Variants in LRRC4C observed in about 807,000 individuals in gnomAD.
The protein encoded by LRRC4C is leucine-rich repeat-containing protein 4C.
Under a neutral mutation model 33.6 loss-of-function variants are expected in LRRC4C, and 5 were observed. The observed-to-expected ratio is 0.15, with a 90% CI of 0.08 to 0.31. The LOEUF (loss-of-function observed/expected upper bound fraction) is 0.31. LRRC4C is among the 10% of genes least tolerant of loss of function. The pLI, the probability that LRRC4C is intolerant of heterozygous loss-of-function variation, is 1.00. For synonymous variants in LRRC4C, 329 were observed against 302.0 expected (o/e 1.09, Z -0.93); for missense variants, 560 against 796.7 (o/e 0.70, Z 3.58).
intron 1 of LRRC4C, among the ~76,000 whole-genome samples, chr11:41,351,733 T>TA: frequency 6.6e-6 from 1 of 152,308 alleles, no homozygotes; most frequent in South Asian, 2.1e-4. Flanking sequence ...TAAAATGCAT[T>TA]AAAAATAAAT....
chr11:41,408,949 C>T (rs911079203), intron 1 of LRRC4C, among the ~76,000 whole-genome samples: 7 of 152,232 alleles, frequency 4.6e-5, no homozygotes, highest in East Asian at 1.9e-4. Context: ...CTAAAGGCAA[C>T]GCAGCTTTCT....
intron 1 of LRRC4C, among the ~76,000 whole-genome samples, chr11:40,990,089 T>C (rs1853402534): frequency 6.6e-6 from 1 of 151,016 alleles, no homozygotes. Flanking sequence ...GGTCTGGAAC[T>C]AATCCCCCAA....
chr11:40,975,718 A>T (rs148756978), intron 1 of LRRC4C, among the ~76,000 whole-genome samples: 1 of 152,146 alleles, frequency 6.6e-6, no homozygotes, highest in Admixed American at 6.5e-5. Flanking sequence ...TATTATCATC[A>T]TCTCCATTTT....
chr11:40,507,774 C>G (rs1440713994), intron 3 of LRRC4C, among the ~76,000 whole-genome samples: 2 of 144,714 alleles, frequency 1.4e-5, no homozygotes, highest in Admixed American at 7.2e-5. Flanking sequence ...AAGTCTCACT[C>G]TGTTGTGCAG....
rs557094088 is a variant in LRRC4C, at chr11:40,388,279, T to A, written c.-269-68558A>T. 3.3e-5 allele frequency among the ~76,000 whole-genome samples: 5 copies of A among 152,264 alleles called. No individual in the cohort carries two copies. The East Asian group carries it at 9.7e-4, about 29-fold the overall frequency. ...GGTAATTCCTTGAGACCTGTCAAAA[T>A]GTGACACCTCTTTCAAAGAAGAGAT... is the stretch of plus-strand genomic sequence containing the variant. On this transcript the variant is annotated intron_variant, in intron 3 of 6. Coordinates refer to ENST00000528697, the MANE Select transcript of LRRC4C (RefSeq NM_001258419.2).
chr11:40,886,658 G>A (rs1214849844), intron 2 of LRRC4C, among the ~76,000 whole-genome samples: 2 of 151,118 alleles, frequency 1.3e-5, no homozygotes, highest in African/African-American at 2.4e-5. Context: ...TCAATTTTCT[G>A]TCAGTAGAAA....
At chr11:40,346,664 T>C (rs568058216) in intron 3 of LRRC4C, among the ~76,000 whole-genome samples, 2 of 152,334 alleles carry the variant, frequency 1.3e-5, no homozygotes, top group Non-Finnish European at 2.9e-5. Flanking sequence ...CAAGTTTACC[T>C]ATGTAACAAA....
intron 3 of LRRC4C, among the ~76,000 whole-genome samples, chr11:40,560,989 T>C (rs1957524927): frequency 6.6e-6 from 1 of 152,238 alleles, no homozygotes; most frequent in Non-Finnish European, 1.5e-5. Flanking sequence ...GATCAATAAA[T>C]ATCCTTTGTT....
intron 1 of LRRC4C, among the ~76,000 whole-genome samples, chr11:41,094,844 A>G (rs1364418975): frequency 1.3e-5 from 2 of 152,060 alleles, no homozygotes; most frequent in African/African-American, 2.4e-5. Context: ...AAACTAGGTG[A>G]AAAAAATCAC....
intron 2 of LRRC4C, among the ~76,000 whole-genome samples, chr11:40,766,377 A>AG (rs1949461773): frequency 6.7e-6 from 1 of 149,264 alleles, no homozygotes. Flanking sequence ...AAAAAAAAAA[A>AG]AAGAAGATAA....
At chr11:41,392,573 AC>A (rs1455374424) in intron 1 of LRRC4C, among the ~76,000 whole-genome samples, 3 of 151,420 alleles carry the variant, frequency 2.0e-5, no homozygotes, top group Non-Finnish European at 4.4e-5. Flanking sequence ...AAAAAAAAAA[AC>A]ATCGTTACCT....
At chr11:40,768,348 G>T (rs1256791038) in intron 2 of LRRC4C, among the ~76,000 whole-genome samples, 1 of 151,972 alleles carries the variant, frequency 6.6e-6, no homozygotes, top group Non-Finnish European at 1.5e-5. Flanking sequence ...AGAAAAACTT[G>T]GGACCTGGTG....
rs574427297 is a variant in LRRC4C, at chr11:40,897,874, C to T, written c.-407+35761G>A. ...GACCAGCCATCGCTAACTGGCTACC[C>T]CATGGCATACCATGCCATACCGCTC... On this transcript the variant is annotated intron_variant, in intron 2 of 6. Transcript: ENST00000528697. 1.7e-3 allele frequency among the ~76,000 whole-genome samples: 264 copies of T among 152,224 alleles called. 3 individuals are homozygous for T. Among genetic ancestry groups the T allele is most frequent in the Non-Finnish European group, 2.6e-3 (175 of 68,008 alleles).
chr11:41,298,559 G>A (rs527433212), intron 1 of LRRC4C, among the ~76,000 whole-genome samples: 4 of 152,208 alleles, frequency 2.6e-5, no homozygotes, highest in Non-Finnish European at 4.4e-5. Flanking sequence ...GTCTCTAAAC[G>A]TAGGGCCTAT....
At chr11:41,450,515 C>A (rs567224293) in intron 1 of LRRC4C, among the ~76,000 whole-genome samples, 1 of 152,126 alleles carries the variant, frequency 6.6e-6, no homozygotes, top group Non-Finnish European at 1.5e-5. Flanking sequence ...TGTAGACAGA[C>A]GCAACTAGGC....
rs573503644 is a variant in LRRC4C, at chr11:40,922,666, C to A, written c.-407+10969G>T. 6.6e-5 allele frequency among the ~76,000 whole-genome samples: 10 copies of A among 152,272 alleles called. No homozygotes were observed. In the South Asian group the frequency reaches 2.1e-3, roughly 32 times the overall value. On this transcript the variant is annotated intron_variant, in intron 2 of 6. Coordinates refer to ENST00000528697, the MANE Select transcript of LRRC4C (RefSeq NM_001258419.2). ...CCTGTAGTCTGTCAATAACTTTATA[C>A]TCTTCTTTGGCAAATTGGAAAGTTG...
At chr11:40,843,369 T>C (rs1471983782) in intron 2 of LRRC4C, among the ~76,000 whole-genome samples, 3 of 152,166 alleles carry the variant, frequency 2.0e-5, no homozygotes, top group African/African-American at 7.2e-5. Flanking sequence ...GAATTATTCT[T>C]TCATTTCCTA....
intron 1 of LRRC4C, among the ~76,000 whole-genome samples, chr11:40,981,931 T>C (rs1014632669): frequency 1.1e-4 from 17 of 152,184 alleles, no homozygotes; most frequent in Non-Finnish European, 1.5e-5. Flanking sequence ...AAGATTAATA[T>C]CTATAATATT....
intron 3 of LRRC4C, among the ~76,000 whole-genome samples, chr11:40,562,887 C>T (rs754374971): frequency 2.8e-4 from 42 of 152,004 alleles, no homozygotes; most frequent in Admixed American, 5.2e-4. Flanking sequence ...GCTTTCTTAG[C>T]GTGGCACTCT....
Sources: allele counts gnomAD v4.1 joint callset (sites outside exome capture counted in the v4.1 genomes callset), GRCh38; gene constraint gnomAD v4.1.1; transcripts MANE v1.5; gene names NCBI Gene and HGNC (gene_info 2026-07-23, HGNC 2026-07-21).